The following FBXL13 variants were observed in gnomAD, a reference collection of about 807,000 sequenced individuals.
The protein encoded by FBXL13 is F-box and leucine-rich repeat protein 13.
Under a neutral mutation model 83.6 loss-of-function variants are expected in FBXL13, and 67 were observed. The ratio of observed to expected loss-of-function variants is 0.80; its 90% CI spans 0.66 to 0.98. The LOEUF (loss-of-function observed/expected upper bound fraction) is 0.98. FBXL13 is among the 50% of genes least tolerant of loss of function. The probability of loss-of-function intolerance (pLI) is 0.00; values close to 1 mark genes in which losing one functional copy is unlikely to be tolerated. For missense variants in FBXL13, 822 were observed against 866.5 expected (o/e 0.95, Z 0.64); for synonymous variants, 272 against 299.5 (o/e 0.91, Z 0.95).
At chr7:102,913,001 T>C in intron 11 of FBXL13, 85 bp downstream of exon 12, 2 of 1,567,786 alleles carry the variant, frequency 1.3e-6, no homozygotes, top group Non-Finnish European at 8.7e-7. Flanking sequence ...GTGCACAGCA[T>C]TAGTATAACG....
intron 16 of FBXL13, among the ~76,000 whole-genome samples, chr7:102,861,974 T>C (rs1201692105): frequency 7.8e-4 from 93 of 118,730 alleles, no homozygotes; most frequent in African/African-American, 3.2e-3. Flanking sequence ...AGAGTGAGAC[T>C]GTGTCTCCAA....
chr7:103,074,473 A>C, exon 1 of FBXL13: 4 of 1,137,626 alleles, frequency 3.5e-6, no homozygotes, highest in Non-Finnish European at 4.4e-6. Context: ...CCCATTCCCC[A>C]CGTGCAGCCA....
chr7:102,847,334 G>C (rs1462097114), intron 17 of FBXL13, among the ~76,000 whole-genome samples: 1 of 152,062 alleles, frequency 6.6e-6, no homozygotes, highest in Non-Finnish European at 1.5e-5. Context: ...CCATGTAAGA[G>C]GCAGAATTGG....
intron 2 of FBXL13, among the ~76,000 whole-genome samples, chr7:103,035,022 G>A (rs997879073): frequency 9.2e-5 from 14 of 152,154 alleles, no homozygotes; most frequent in African/African-American, 1.2e-4. Flanking sequence ...AAACAAATGC[G>A]GCTTTAGTCT....
chr7:102,897,021 TA>T (rs1399968375), intron 11 of FBXL13, among the ~76,000 whole-genome samples: 4 of 151,870 alleles, frequency 2.6e-5, no homozygotes, highest in African/African-American at 9.7e-5. Context: ...TTTTTTTTTT[TA>T]AGATACAAGA....
At chr7:103,071,876 G>A (rs1318420450) in intron 1 of FBXL13, among the ~76,000 whole-genome samples, 3 of 152,108 alleles carry the variant, frequency 2.0e-5, no homozygotes, top group Non-Finnish European at 4.4e-5. Flanking sequence ...TTTTAGAAAA[G>A]TATAAAACCT....
chr7:102,932,017 T>C, intron 8 of FBXL13, 84 bp from the exon 10 acceptor site: 1 of 1,261,086 alleles, frequency 7.9e-7, no homozygotes, highest in Non-Finnish European at 1.1e-6. Context: ...GAATGCAATG[T>C]ATTCATTAGA....
At chr7:102,903,631 T>G (rs1813259326) in intron 11 of FBXL13, among the ~76,000 whole-genome samples, 1 of 152,048 alleles carries the variant, frequency 6.6e-6, no homozygotes, top group Admixed American at 6.6e-5. Flanking sequence ...TGAAGGGATA[T>G]TGAATTTTTT....
At chr7:103,044,942 T>C (rs944267263) in intron 2 of FBXL13, among the ~76,000 whole-genome samples, 5 of 152,246 alleles carry the variant, frequency 3.3e-5, no homozygotes, top group Non-Finnish European at 5.9e-5. Context: ...AGTAGAGACA[T>C]ATTTATCCTT....
intron 16 of FBXL13, among the ~76,000 whole-genome samples, chr7:102,868,264 T>G (rs1253288882): frequency 1.3e-5 from 2 of 152,152 alleles, no homozygotes; most frequent in Non-Finnish European, 2.9e-5. Flanking sequence ...ATTCCTCCTA[T>G]CTCACTGTAA....
chr7:102,889,250 CAT>C (rs1584794009), intron 11 of FBXL13, among the ~76,000 whole-genome samples: 1 of 152,116 alleles, frequency 6.6e-6, no homozygotes, highest in African/African-American at 2.4e-5. Flanking sequence ...CAGTGCTGAA[CAT>C]AGTGTCTGAC....
chr7:102,889,359 C>T (rs1409772628), intron 11 of FBXL13, among the ~76,000 whole-genome samples: 1 of 152,158 alleles, frequency 6.6e-6, no homozygotes, highest in African/African-American at 2.4e-5. Flanking sequence ...CCACCTCTTC[C>T]TATTATGACA....
intron 11 of FBXL13, among the ~76,000 whole-genome samples, chr7:102,908,466 C>T (rs187282853): frequency 3.6e-4 from 55 of 152,098 alleles, no homozygotes; most frequent in Non-Finnish European, 5.1e-4. Context: ...GTATTGATGC[C>T]AGTATTCTTC....
chr7:103,051,464 C>CGA (rs1294074645), intron 2 of FBXL13, among the ~76,000 whole-genome samples: 1 of 152,040 alleles, frequency 6.6e-6, no homozygotes, highest in Non-Finnish European at 1.5e-5. Flanking sequence ...CTCTGAAATC[C>CGA]GAGAGAGAGC....
intron 6 of FBXL13, among the ~76,000 whole-genome samples, chr7:102,976,423 C>T (rs1486084543): frequency 6.6e-6 from 1 of 152,106 alleles, no homozygotes; most frequent in African/African-American, 2.4e-5. Flanking sequence ...TAGTCCTGCC[C>T]TCATGCCCAA....
chr7:102,885,722 A>G (rs1327706119), intron 11 of FBXL13, among the ~76,000 whole-genome samples: 2 of 151,724 alleles, frequency 1.3e-5, no homozygotes, highest in Non-Finnish European at 2.9e-5. Flanking sequence ...TTTACCTCCT[A>G]TTTTTTCTTC....
intron 1 of FBXL13, among the ~76,000 whole-genome samples, chr7:103,064,080 AT>A (rs1483463291): frequency 6.6e-6 from 1 of 152,134 alleles, no homozygotes; most frequent in Admixed American, 6.5e-5. Context: ...TCATGCTAAA[AT>A]TCTCTCTCCT....
At chr7:102,944,341 T>C (rs1272826667) in intron 8 of FBXL13, 1 of 1,614,118 alleles carries the variant, frequency 6.2e-7, no homozygotes, top group Non-Finnish European at 8.5e-7. Flanking sequence ...CCCTTGGAGA[T>C]GTGACTACAA....
intron 16 of FBXL13, among the ~76,000 whole-genome samples, chr7:102,876,693 C>T (rs1404610039): frequency 6.6e-6 from 1 of 152,022 alleles, no homozygotes; most frequent in African/African-American, 2.4e-5. Flanking sequence ...TCAGAGAAGG[C>T]CCTCATAGAC....
Sources: allele counts gnomAD v4.1 joint callset (sites outside exome capture counted in the v4.1 genomes callset), GRCh38; gene constraint gnomAD v4.1.1; transcripts MANE v1.5; gene names NCBI Gene and HGNC (gene_info 2026-07-23, HGNC 2026-07-21).